The following VPS4A variants were observed in gnomAD, a reference collection of about 807,000 sequenced individuals.
VPS4A encodes the protein vacuolar protein sorting-associated protein 4A.
In VPS4A, 20 loss-of-function variants were observed where a neutral mutation model predicts 52.3. The observed-to-expected ratio is 0.38, with a 90% confidence interval of 0.27 to 0.56. The LOEUF is 0.56. Ranked by LOEUF, VPS4A falls within the 20% of genes least tolerant of loss-of-function variation. The pLI, the probability that VPS4A is intolerant of heterozygous loss-of-function variation, is 0.72. For missense variants in VPS4A, 419 were observed against 575.9 expected, an observed-to-expected ratio of 0.73 and a Z score of 2.79; for synonymous variants, 293 against 227.7, an observed-to-expected ratio of 1.29 and a Z score of -2.58.
At chr16:69,323,435 C>G (rs543394458) in intron 10 of VPS4A, 8 of 317,240 alleles carry the variant, frequency 2.5e-5, no homozygotes, top group African/African-American at 1.1e-4. Context: ...CAAGCATGAG[C>G]TGAGCCACCA....
rs1443596563 is a variant in VPS4A, at chr16:69,321,143, C to A, written c.944C>A (p.Thr315Lys). 6.3e-7 allele frequency: 1 copy of A among 1,588,998 alleles called. No homozygotes were observed. Among genetic ancestry groups the A allele is most frequent in the Non-Finnish European group, 8.6e-7 (1 of 1,168,156 alleles). Residue 315 changes from threonine to lysine, a missense_variant, in exon 9 of 11, where the codon ACG (threonine) becomes AAG (lysine). Around this residue, in one of 3 missense-constraint regions of VPS4A, gnomAD observed 185 missense variants for 200.2 expected, o/e 0.92. Transcript: ENST00000254950. This position sits in a 1 kb window ranked among gnomAD's most constrained non-coding sequence, Gnocchi z 4.5. Reference protein sequence around the residue: ...LHLGSTPHNLTDANIHELARK... With the variant: ...LHLGSTPHNLKDANIHELARK... ...CTCGGGAGCACTCCCCACAACCTCACGGATGCAAACATCCACGAGCTGGCC... is the reference window on the plus strand; with the variant it reads ...CTCGGGAGCACTCCCCACAACCTCAAGGATGCAAACATCCACGAGCTGGCC...
chr16:69,315,148 G>A (rs754822834), intron 1 of VPS4A, among the ~76,000 whole-genome samples: 5 of 152,056 alleles, frequency 3.3e-5, no homozygotes, highest in Admixed American at 6.6e-5. Context: ...GCAGTGAGCC[G>A]AGATCGCGCC....
intron 3 of VPS4A, among the ~76,000 whole-genome samples, chr16:69,317,342 A>G (rs937650773): frequency 3.9e-5 from 6 of 152,086 alleles, no homozygotes; most frequent in Non-Finnish European, 7.4e-5. Flanking sequence ...TCAGGGGCAC[A>G]TGCTGTCCCT....
rs1007691688 is a variant in VPS4A at position 69,321,487 on chromosome 16, G to C, written c.1071+217G>C. ...GGCCATCTCAGGGTGTGTGAAAGCA[G>C]AGGACAGGGCCACTTTACTGTCTTA... On this transcript the variant is annotated intron_variant, in intron 9 of 10. Coordinates refer to ENST00000254950, the MANE Select transcript of VPS4A (RefSeq NM_013245.3). This position sits in a 1 kb window ranked among gnomAD's most constrained non-coding sequence, Gnocchi z 4.5. 5 of 598,990 alleles carry C rather than the reference G, an allele frequency of 8.3e-6. No homozygotes were observed. Among genetic ancestry groups the C allele is most frequent in the Non-Finnish European group, 1.2e-5 (4 of 339,934 alleles). 37.1% of individuals were successfully genotyped at this position (598,990 alleles called of 1,614,324 possible).
intron 1 of VPS4A, among the ~76,000 whole-genome samples, chr16:69,312,963 C>T (rs1165292529): frequency 6.6e-6 from 1 of 150,768 alleles, no homozygotes; most frequent in African/African-American, 2.4e-5. Flanking sequence ...ATAACTCACC[C>T]GTTATATATT....
rs756486942 is a variant in VPS4A at position 69,320,425 on chromosome 16, G to A, written c.769+136G>A. On this transcript the variant is annotated intron_variant, in intron 7 of 10. Coordinates refer to ENST00000254950, the MANE Select transcript of VPS4A (RefSeq NM_013245.3). The surrounding 1 kb of genome is among the most constrained non-coding windows in gnomAD (Gnocchi z 4.2). The stretch of plus-strand genomic sequence containing the variant: ...CCCCAGCTCCAGCCCCTCAGGGCAC[G>A]GGTGGACTTCAATTCCCAAGAGGTG... 116 of 1,306,410 alleles carry A rather than the reference G, an allele frequency of 8.9e-5. No individual in the cohort carries two copies. The highest frequency in any genetic ancestry group is 1.1e-4 in the Non-Finnish European group (104 of 960,802). 80.9% of individuals were successfully genotyped at this position (1,306,410 alleles called of 1,614,324 possible). A position where few individuals can be genotyped will look rare whatever the true frequency, so the allele number is the denominator to read the frequency against.
chr16:69,318,036 G>A (rs1259401364), intron 3 of VPS4A, among the ~76,000 whole-genome samples: 2 of 146,936 alleles, frequency 1.4e-5, no homozygotes, highest in Non-Finnish European at 3.0e-5. Context: ...CCCAGACAGG[G>A]CTTCACTGTC....
intron 10 of VPS4A, 76 bp from the exon 11 acceptor site, chr16:69,324,132 C>T (rs555663314): frequency 1.6e-4 from 228 of 1,443,530 alleles, no homozygotes; most frequent in Non-Finnish European, 2.0e-4. Context: ...CCCTCAGCTG[C>T]GCCTGTTGTG....
At chr16:69,319,755 G>C (rs1235403904) in intron 6 of VPS4A, among the ~76,000 whole-genome samples, 1 of 152,242 alleles carries the variant, frequency 6.6e-6, no homozygotes, top group Non-Finnish European at 1.5e-5. Context: ...TGCTCCACAA[G>C]AGAAGGGAAA....
chr16:69,322,342 A>G, intron 9 of VPS4A: 1 of 460,818 alleles, frequency 2.2e-6, no homozygotes, highest in Non-Finnish European at 3.9e-6. Flanking sequence ...GACAGTGTTA[A>G]TGAGGAAGAC....
intron 1 of VPS4A, among the ~76,000 whole-genome samples, chr16:69,314,493 A>G (rs1320301513): frequency 6.6e-6 from 1 of 152,114 alleles, no homozygotes. Flanking sequence ...AAGGAACATC[A>G]TGCAGAAGAG....
rs904831815 is a variant in VPS4A at position 69,325,095 on chromosome 16, C to A, written c.*786C>A. On this transcript the variant is annotated 3_prime_UTR_variant, in exon 11 of 11. Transcript: ENST00000254950. ...TCTTAACTGAGACTCTGAAGGGCCA[C>A]CCTTGCTTCCAATTAAAAGACCCTC... 1 of 152,316 alleles carries A rather than the reference C, an allele frequency of 6.6e-6. No individual in the cohort carries two copies. The highest frequency in any genetic ancestry group is 1.5e-5 in the Non-Finnish European group (1 of 68,106). The allele number at this position is 152,316 out of a possible 1,614,324, so 9.4% of individuals were successfully genotyped here. A position where few individuals can be genotyped will look rare whatever the true frequency, so the allele number is the denominator to read the frequency against.
At chr16:69,319,079 T>C in intron 5 of VPS4A, 137 bp downstream of exon 5, 1 of 1,292,464 alleles carries the variant, frequency 7.7e-7, no homozygotes, top group Non-Finnish European at 1.1e-6. Context: ...CTCGCTGGTG[T>C]CCACAACACT....
chr16:69,320,399 T>TC lies in VPS4A; in HGVS notation c.769+114dup, dbSNP rs1965496259. 1 of 1,471,126 alleles carries TC rather than the reference T, an allele frequency of 6.8e-7. No individual in the cohort carries two copies. Among genetic ancestry groups the TC allele is most frequent in the Non-Finnish European group, 9.2e-7 (1 of 1,087,562 alleles). 91.1% of individuals were successfully genotyped at this position (1,471,126 alleles called of 1,614,324 possible). On this transcript the variant is annotated intron_variant, in intron 7 of 10. Coordinates refer to ENST00000254950, the MANE Select transcript of VPS4A (RefSeq NM_013245.3). The surrounding 1 kb of genome is among the most constrained non-coding windows in gnomAD (Gnocchi z 4.2). ...GTTGTTCTCAGCCTCGGAGAGGCAC[T>TC]CCCCAGCTCCAGCCCCTCAGGGCAC...
intron 3 of VPS4A, among the ~76,000 whole-genome samples, chr16:69,316,659 C>T (rs904630837): frequency 6.6e-6 from 1 of 152,192 alleles, no homozygotes; most frequent in Admixed American, 6.5e-5. Context: ...GCCAGGACCC[C>T]GTGTGCCTAC....
rs943831927 is a variant in VPS4A, at chr16:69,325,873, G to A, written c.*1564G>A. On this transcript the variant is annotated 3_prime_UTR_variant, in exon 11 of 11. Coordinates refer to ENST00000254950, the MANE Select transcript of VPS4A (RefSeq NM_013245.3). ...AAGTAGAGGCTGCTCTGTACAGAAG[G>A]GGTCCCCCATCCCCACTCATCTGTG... The A allele has an allele frequency of 4.6e-5, 7 of 152,208 alleles. No homozygotes were observed. The highest frequency in any genetic ancestry group is 1.7e-4 in the African/African-American group (7 of 41,394). The allele number at this position is 152,208 out of a possible 1,614,324, so 9.4% of individuals were successfully genotyped here. A position where few individuals can be genotyped will look rare whatever the true frequency, so the allele number is the denominator to read the frequency against.
At chr16:69,313,966 C>T (rs1965406817) in intron 1 of VPS4A, among the ~76,000 whole-genome samples, 1 of 149,888 alleles carries the variant, frequency 6.7e-6, no homozygotes. Flanking sequence ...ATGTGGCTGC[C>T]AGAAAAGTCC....
In VPS4A at chr16:69,318,827, C is replaced by G; in HGVS notation, c.348C>G (p.Ala116=). The stretch of plus-strand genomic sequence containing the variant: ...GGGCCGGCCTCCCTCTCGCAGGTGC[C>G]GTCGTGATGGAGAAGCCCAACATAC... ...KKKLQEQLMG[A]VVMEKPNIRW... is the part of the protein sequence containing the mutation. Residue 116 remains alanine, a synonymous_variant, in exon 5 of 11, where the codon GCC becomes GCG. Transcript: ENST00000254950. 2 of 1,613,070 alleles carry G rather than the reference C, an allele frequency of 1.2e-6. No homozygotes were observed. The highest frequency in any genetic ancestry group is 1.7e-6 in the Non-Finnish European group (2 of 1,179,512).
chr16:69,322,791 C>T (rs114488427), intron 10 of VPS4A, 91 bp downstream of exon 10: 156,241 of 1,489,990 alleles, frequency 0.1, 8,874 homozygotes, highest in Non-Finnish European at 0.11. Context: ...TTCTCCAGGC[C>T]AGGCATGGTA....
Sources: allele counts gnomAD v4.1 joint callset (sites outside exome capture counted in the v4.1 genomes callset), GRCh38; gene constraint gnomAD v4.1.1; regional missense constraint gnomAD v4.1.1; non-coding constraint Gnocchi (gnomAD v3.1); transcripts MANE v1.5; gene names NCBI Gene and HGNC (gene_info 2026-07-23, HGNC 2026-07-21).